Variants in GRIK2 observed in about 807,000 individuals in gnomAD.
The protein encoded by GRIK2 is glutamate receptor ionotropic, kainate 2.
In GRIK2, 32 loss-of-function variants were observed where a neutral mutation model predicts 100.3. The ratio of observed to expected loss-of-function variants is 0.32; its 90% confidence interval spans 0.24 to 0.43. The LOEUF (loss-of-function observed/expected upper bound fraction) is 0.43, where lower values mean the gene tolerates loss of function less well. Ranked by LOEUF, GRIK2 falls within the 20% of genes least tolerant of loss-of-function variation. The pLI, the probability that GRIK2 is intolerant of heterozygous loss-of-function variation, is 1.00. For missense variants in GRIK2, 843 were observed against 1,114.9 expected, an observed-to-expected ratio of 0.76 and a Z score of 3.47; for synonymous variants, 417 against 389.4, an observed-to-expected ratio of 1.07 and a Z score of -0.83.
chr6:102,029,397 A>G (rs1479711502), intron 14 of GRIK2, among the ~76,000 whole-genome samples: 1 of 151,182 alleles, frequency 6.6e-6, no homozygotes, highest in Admixed American at 6.6e-5. Context: ...TTCTATGTCA[A>G]TTTGCATACA....
At chr6:101,965,933 T>G (rs1792643321) in intron 14 of GRIK2, among the ~76,000 whole-genome samples, 1 of 152,158 alleles carries the variant, frequency 6.6e-6, no homozygotes, top group Admixed American at 6.6e-5. Flanking sequence ...TCTATTATTC[T>G]TTTTATAATA....
chr6:102,063,012 T>C (rs1771831999), intron 16 of GRIK2, among the ~76,000 whole-genome samples: 1 of 150,668 alleles, frequency 6.6e-6, no homozygotes, highest in South Asian at 2.1e-4. Flanking sequence ...AAATGGCCTA[T>C]AGAGTCAGAA....
chr6:101,970,156 T>C (rs1380049215), intron 14 of GRIK2, among the ~76,000 whole-genome samples: 1 of 151,958 alleles, frequency 6.6e-6, no homozygotes, highest in Non-Finnish European at 1.5e-5. Flanking sequence ...CATTAATAAA[T>C]TAAAAAATAA....
At chr6:101,899,272 A>G (rs1379808317) in intron 12 of GRIK2, among the ~76,000 whole-genome samples, 4 of 151,792 alleles carry the variant, frequency 2.6e-5, no homozygotes, top group Non-Finnish European at 2.9e-5. Context: ...TAGTTTTTCT[A>G]GTTAGCTCTT....
At position 101,790,521 on chromosome 6, in the gene GRIK2, G is replaced by A. The variant is rs375396443; in HGVS notation, c.952-9127G>A. Among the ~76,000 whole-genome samples, 1,005 of 146,522 alleles carry A rather than the reference G, an allele frequency of 6.9e-3. 13 individuals are homozygous for A. Among genetic ancestry groups the A allele is most frequent in the African/African-American group, 0.024 (937 of 39,394 alleles). On this transcript the variant is annotated intron_variant, in intron 7 of 16. Transcript: ENST00000369134. Reference sequence around the variant, plus strand: ...TGCTGGATTACATTTATTGATTTGCGTATATTGAACCAGCCTTGCATCCCA... The same window carrying A: ...TGCTGGATTACATTTATTGATTTGCATATATTGAACCAGCCTTGCATCCCA...
chr6:101,881,689 A>T (rs1023319375), intron 11 of GRIK2, among the ~76,000 whole-genome samples: 4 of 151,682 alleles, frequency 2.6e-5, no homozygotes, highest in Non-Finnish European at 5.9e-5. Context: ...TCTAAAAAAA[A>T]AAAAAATAGA....
intron 7 of GRIK2, among the ~76,000 whole-genome samples, chr6:101,756,699 A>G (rs1777159416): frequency 1.3e-5 from 2 of 152,164 alleles, no homozygotes; most frequent in South Asian, 4.1e-4. Context: ...TTAAATGACC[A>G]TTTGAAATTA....
chr6:101,958,356 T>A (rs1248046390), intron 14 of GRIK2, among the ~76,000 whole-genome samples: 1 of 151,688 alleles, frequency 6.6e-6, no homozygotes, highest in Non-Finnish European at 1.5e-5. Context: ...GAAATGCTAC[T>A]GACCTTTATA....
intron 2 of GRIK2, among the ~76,000 whole-genome samples, chr6:101,579,440 CT>C (rs1033725245): frequency 2.0e-5 from 3 of 151,592 alleles, no homozygotes; most frequent in African/African-American, 7.3e-5. Context: ...TCTTTTATTT[CT>C]TTTTTTTCTT....
chr6:101,477,470 G>A (rs1411223976), intron 2 of GRIK2, among the ~76,000 whole-genome samples: 1 of 152,166 alleles, frequency 6.6e-6, no homozygotes, highest in Non-Finnish European at 1.5e-5. Flanking sequence ...TTCCTCTGTA[G>A]CTGTTCTTTG....
Position 101,686,276 on chromosome 6 carries a change from A to G in GRIK2, c.874A>G (p.Ile292Val), listed in dbSNP as rs746647076. The G allele has an allele frequency of 1.9e-6, 3 of 1,613,348 alleles. No homozygotes were observed. Among genetic ancestry groups the G allele is most frequent in the Non-Finnish European group, 1.7e-6 (2 of 1,179,366 alleles). Residue 292 changes from isoleucine to valine, a missense_variant, in exon 7 of 17, where the codon ATC becomes GTC. By Grantham distance (29) the Ile-to-Val change is conservative. Around this residue, in one of 3 missense-constraint regions of GRIK2, gnomAD observed 519 missense variants for 643.8 expected, o/e 0.81. Transcript: ENST00000369134. Reference sequence around the variant, plus strand: ...TACAGAAAATACCCAAGTCTCCTCCATCATTGAAAAGTGGTCGATGGAACG... The same window carrying G: ...TACAGAAAATACCCAAGTCTCCTCCGTCATTGAAAAGTGGTCGATGGAACG... ...LNTENTQVSS[I>V]IEKWSMERLQ...
chr6:101,950,607 C>T (rs530747208), intron 14 of GRIK2, among the ~76,000 whole-genome samples: 1 of 152,258 alleles, frequency 6.6e-6, no homozygotes, highest in African/African-American at 2.4e-5. Context: ...AAGACTATTC[C>T]CACCTGCCTC....
chr6:101,801,621 C>A (rs1780675982), intron 8 of GRIK2, among the ~76,000 whole-genome samples: 1 of 151,726 alleles, frequency 6.6e-6, no homozygotes, highest in Admixed American at 6.6e-5. Flanking sequence ...ACTACTTTTT[C>A]CTAAGCTATT....
At chr6:101,409,102 TTGTGTATGTGTGTGTG>T (rs1198503613) in intron 2 of GRIK2, among the ~76,000 whole-genome samples, 2 of 133,658 alleles carry the variant, frequency 1.5e-5, no homozygotes, top group African/African-American at 5.8e-5. Flanking sequence ...ACCTGAAACA[TTGTGTATGTGTGTGTG>T]TGTGTGTGTG....
intron 2 of GRIK2, among the ~76,000 whole-genome samples, chr6:101,497,449 A>G (rs1353540613): frequency 2.0e-5 from 3 of 152,180 alleles, no homozygotes. Flanking sequence ...ATACAAGTGT[A>G]GATCTTTAGT....
chr6:101,873,914 A>G (rs1312030153), intron 11 of GRIK2, among the ~76,000 whole-genome samples: 1 of 152,078 alleles, frequency 6.6e-6, no homozygotes, highest in Admixed American at 6.6e-5. Context: ...GTGTCTGTTC[A>G]TATCCTTTGC....
chr6:102,035,474 C>T lies in GRIK2; in HGVS notation c.2219C>T (p.Thr740Ile). Residue 740 changes from threonine to isoleucine, a missense_variant, in exon 15 of 17, where the codon ACA becomes ATA. By Grantham distance (89) the Thr-to-Ile change is moderately conservative. Around this residue, in one of 3 missense-constraint regions of GRIK2, gnomAD observed 237 missense variants for 388.0 expected, o/e 0.61. Transcript: ENST00000369134. Reference sequence around the variant, plus strand: ...GATTATGCTTTCCTAATGGAGTCAACAACCATCGAGTTTGTTACCCAGCGG... The same window carrying T: ...GATTATGCTTTCCTAATGGAGTCAATAACCATCGAGTTTGTTACCCAGCGG... ...TSDYAFLMES[T>I]TIEFVTQRNC... is the part of the protein sequence containing the mutation. 2.5e-6 allele frequency: 4 copies of T among 1,609,366 alleles called. No individual in the cohort carries two copies. Among genetic ancestry groups the T allele is most frequent in the Non-Finnish European group, 3.4e-6 (4 of 1,176,580 alleles).
intron 2 of GRIK2, among the ~76,000 whole-genome samples, chr6:101,545,171 G>T (rs796291426): frequency 2.9e-4 from 44 of 152,114 alleles, no homozygotes; most frequent in African/African-American, 1.0e-3. Context: ...TATTTTTCTA[G>T]GAATATTTAG....
intron 2 of GRIK2, among the ~76,000 whole-genome samples, chr6:101,535,677 T>G (rs988310936): frequency 6.6e-6 from 1 of 151,798 alleles, no homozygotes; most frequent in Admixed American, 6.6e-5. Context: ...CTTTCCTACT[T>G]AAGGAGCAAT....
Sources: gnomAD v4.1 joint callset for allele counts (sites outside exome capture counted in the v4.1 genomes callset) on GRCh38, gnomAD v4.1.1 for gene constraint, gnomAD v4.1.1 regional missense constraint, MANE v1.5 for transcripts, NCBI Gene and HGNC (gene_info 2026-07-23, HGNC 2026-07-21) for gene names.